Variants in SGPP2 observed in about 807,000 individuals in gnomAD.
SGPP2 encodes the protein sphingosine-1-phosphate phosphatase 2.
Under a neutral mutation model 33.9 loss-of-function variants are expected in SGPP2, and 30 were observed. The ratio of observed to expected loss-of-function variants is 0.89; its 90% CI spans 0.66 to 1.20. The LOEUF (loss-of-function observed/expected upper bound fraction) is 1.20, where lower values mean the gene tolerates loss of function less well. Ranked by LOEUF, SGPP2 falls within the 50% of genes most tolerant of loss-of-function variation. The probability of loss-of-function intolerance (pLI) is 0.00; values close to 1 mark genes in which losing one functional copy is unlikely to be tolerated. For missense variants in SGPP2, 458 were observed against 532.1 expected (o/e 0.86, Z 1.37); for synonymous variants, 233 against 225.0 (o/e 1.04, Z -0.32).
intron 4 of SGPP2, among the ~76,000 whole-genome samples, chr2:222,530,494 T>A (rs892628332): frequency 3.3e-5 from 5 of 152,266 alleles, no homozygotes; most frequent in Admixed American, 1.3e-4. Flanking sequence ...TGCACATTTA[T>A]GTTTTGAACA....
intron 2 of SGPP2, among the ~76,000 whole-genome samples, chr2:222,497,302 G>T (rs1437262910): frequency 1.3e-5 from 2 of 148,378 alleles, no homozygotes; most frequent in Non-Finnish European, 3.0e-5. Flanking sequence ...GCCCAGGCTG[G>T]AGTGCAATGG....
At chr2:222,517,038 A>G (rs1301383430) in intron 2 of SGPP2, among the ~76,000 whole-genome samples, 1 of 152,122 alleles carries the variant, frequency 6.6e-6, no homozygotes, top group African/African-American at 2.4e-5. Flanking sequence ...AGCTCCCACT[A>G]CCTATTATCC....
chr2:222,505,435 T>C (rs926024228), intron 2 of SGPP2, among the ~76,000 whole-genome samples: 2 of 152,240 alleles, frequency 1.3e-5, no homozygotes, highest in Non-Finnish European at 1.5e-5. Context: ...GGTCCACTTA[T>C]ACATGAATTT....
At chr2:222,467,683 T>C (rs1045558708) in intron 1 of SGPP2, among the ~76,000 whole-genome samples, 3 of 151,978 alleles carry the variant, frequency 2.0e-5, no homozygotes, top group African/African-American at 7.2e-5. Context: ...GCAAAGCCAC[T>C]GTGGAGGGAA....
chr2:222,549,565 C>A (rs1689255852), intron 4 of SGPP2, among the ~76,000 whole-genome samples: 1 of 152,212 alleles, frequency 6.6e-6, no homozygotes, highest in Non-Finnish European at 1.5e-5. Flanking sequence ...CTTTTCTACA[C>A]ACTGGAGCTT....
chr2:222,474,601 T>A lies in SGPP2; in HGVS notation c.253T>A (p.Phe85Ile). The A allele has an allele frequency of 6.2e-7, 1 of 1,614,068 alleles. No individual in the cohort carries two copies. The highest frequency in any genetic ancestry group is 8.5e-7 in the Non-Finnish European group (1 of 1,179,994). Residue 85 changes from phenylalanine to isoleucine, a missense_variant, in exon 2 of 5, where the codon TTC becomes ATC. Transcript: ENST00000321276. ...YVQKYVVKNYFYYYLFQFSAA... is the reference protein window; with the variant it reads ...YVQKYVVKNYIYYYLFQFSAA... ...ACAGAAGTACGTCGTGAAGAATTATTTCTACTATTACCTATTCCAATTTTC... is the reference window on the plus strand; with the variant it reads ...ACAGAAGTACGTCGTGAAGAATTATATCTACTATTACCTATTCCAATTTTC...
Position 222,474,745 on chromosome 2 carries a change from C to G in SGPP2, c.378+19C>G. On this transcript the variant is annotated intron_variant, in intron 2 of 4. Transcript: ENST00000321276. ...ATGGGTTGTAAGTATTATTACTACT[C>G]ATTAACTGATGCTACTTCTAAAACA... is the stretch of plus-strand genomic sequence containing the variant. The G allele has an allele frequency of 6.3e-7, 1 of 1,577,066 alleles. No individual in the cohort carries two copies. The highest frequency in any genetic ancestry group is 8.7e-7 in the Non-Finnish European group (1 of 1,154,788).
At chr2:222,539,477 C>G (rs1048703313) in intron 4 of SGPP2, among the ~76,000 whole-genome samples, 3 of 152,214 alleles carry the variant, frequency 2.0e-5, no homozygotes, top group Non-Finnish European at 4.4e-5. Flanking sequence ...CATTGCTATA[C>G]TCAGTGTCCG....
chr2:222,431,097 G>C (rs930616094), intron 1 of SGPP2, among the ~76,000 whole-genome samples: 1 of 152,044 alleles, frequency 6.6e-6, no homozygotes, highest in Admixed American at 6.5e-5. Context: ...GTTAATCATA[G>C]GGGTACCTGC....
In SGPP2 at chr2:222,477,259, AT is replaced by A. The variant is rs2106098853; in HGVS notation, c.378+2534del. ...GGTGTGTATATACATGTATGTGAGT[AT>A]ATAGGTGTATATGTATGTGTGTATG... is the stretch of plus-strand genomic sequence containing the variant. On this transcript the variant is annotated intron_variant, in intron 2 of 4. Transcript: ENST00000321276. The surrounding 1 kb of genome is among the most constrained non-coding windows in gnomAD (Gnocchi z 6.0). Among the ~76,000 whole-genome samples, 1 of 151,186 alleles carries A rather than the reference AT, an allele frequency of 6.6e-6. No homozygotes were observed. Among genetic ancestry groups the A allele is most frequent in the African/African-American group, 2.4e-5 (1 of 41,076 alleles).
rs192990878 is a variant in SGPP2 at position 222,494,910 on chromosome 2, T to C, written c.378+20184T>C. Reference sequence around the variant, plus strand: ...GTTTCTGGAGACTTTTCTTTAACTTTCCCTTAAAATATAAGAGTTGCTGAG... The same window carrying C: ...GTTTCTGGAGACTTTTCTTTAACTTCCCCTTAAAATATAAGAGTTGCTGAG... On this transcript the variant is annotated intron_variant, in intron 2 of 4. Coordinates refer to ENST00000321276, the MANE Select transcript of SGPP2 (RefSeq NM_152386.4). Among the ~76,000 whole-genome samples, 766 of 152,240 alleles carry C rather than the reference T, an allele frequency of 5.0e-3. 3 individuals are homozygous for C. The highest frequency in any genetic ancestry group is 6.4e-3 in the Non-Finnish European group (437 of 68,020).
At chr2:222,427,642 C>T (rs903202366) in intron 1 of SGPP2, among the ~76,000 whole-genome samples, 6 of 152,112 alleles carry the variant, frequency 3.9e-5, no homozygotes, top group African/African-American at 1.4e-4. Flanking sequence ...TTCCGCATAG[C>T]CTAGAAGGTA....
intron 2 of SGPP2, among the ~76,000 whole-genome samples, chr2:222,485,826 G>C (rs1046377292): frequency 2.0e-5 from 3 of 152,238 alleles, no homozygotes; most frequent in African/African-American, 7.2e-5. Context: ...TCCCCATGCT[G>C]GGAAGGGGAA....
chr2:222,494,629 TGGTCCACAGTCACATAC>T (rs1698248900), intron 2 of SGPP2, among the ~76,000 whole-genome samples: 2 of 152,166 alleles, frequency 1.3e-5, no homozygotes, highest in South Asian at 4.1e-4. Context: ...AGTCACCAAG[TGGTCCACAGTCACATAC>T]GTATCCAAAA....
At chr2:222,478,141 T>C (rs1574851908) in intron 2 of SGPP2, among the ~76,000 whole-genome samples, 1 of 99,278 alleles carries the variant, frequency 1.0e-5, no homozygotes, top group African/African-American at 3.9e-5. Context: ...TGCCAGTGCC[T>C]GGGGAGAGAG....
intron 1 of SGPP2, among the ~76,000 whole-genome samples, chr2:222,466,480 G>A (rs1269237033): frequency 2.0e-5 from 3 of 151,976 alleles, no homozygotes; most frequent in Admixed American, 1.3e-4. Context: ...GGATGGTCTC[G>A]ATCTCCTGAC....
chr2:222,520,036 T>C (rs1698660051), intron 2 of SGPP2, among the ~76,000 whole-genome samples: 1 of 152,224 alleles, frequency 6.6e-6, no homozygotes, highest in Admixed American at 6.5e-5. Flanking sequence ...TACTCAGTAA[T>C]GGGATTACTG....
intron 1 of SGPP2, among the ~76,000 whole-genome samples, chr2:222,440,950 A>G (rs780317953): frequency 2.0e-5 from 3 of 152,248 alleles, no homozygotes; most frequent in African/African-American, 7.2e-5. Flanking sequence ...TGCCTGCTGC[A>G]TGACTCTAGC....
upstream of SGPP2, among the ~76,000 whole-genome samples, chr2:222,424,260 A>C (rs1697022104): frequency 1.5e-5 from 2 of 133,436 alleles, no homozygotes; most frequent in Admixed American, 7.3e-5. Context: ...CTGCCGGGGG[A>C]AGAAGGTGGG....
Sources: allele counts gnomAD v4.1 joint callset (sites outside exome capture counted in the v4.1 genomes callset), GRCh38; gene constraint gnomAD v4.1.1; non-coding constraint Gnocchi (gnomAD v3.1); transcripts MANE v1.5; gene names NCBI Gene and HGNC (gene_info 2026-07-23, HGNC 2026-07-21).